Variants in LPP observed in about 807,000 individuals in gnomAD.
LPP encodes lipoma-preferred partner.
Under a neutral mutation model 60.4 loss-of-function variants are expected in LPP, and 38 were observed. The ratio of observed to expected loss-of-function variants is 0.63; its 90% CI spans 0.49 to 0.83. The LOEUF (loss-of-function observed/expected upper bound fraction) is 0.83, where lower values mean the gene tolerates loss of function less well. Ranked by LOEUF, LPP falls within the 40% of genes least tolerant of loss-of-function variation. LPP has a pLI of 0.00. For synonymous variants in LPP, 328 were observed against 290.8 expected (o/e 1.13, Z -1.30); for missense variants, 902 against 783.6 (o/e 1.15, Z -1.80).
intron 4 of LPP, among the ~76,000 whole-genome samples, chr3:188,412,754 A>G: frequency 6.6e-6 from 1 of 152,196 alleles, no homozygotes; most frequent in East Asian, 1.9e-4. Context: ...ATTGGTTCAC[A>G]TAGACTTGTC....
At chr3:188,368,962 A>T (rs946221665) in intron 3 of LPP, among the ~76,000 whole-genome samples, 1 of 152,204 alleles carries the variant, frequency 6.6e-6, no homozygotes, top group Non-Finnish European at 1.5e-5. Context: ...TTTCAGGCAG[A>T]CAGATTCACT....
At chr3:188,757,227 C>T (rs1339902275) in intron 8 of LPP, among the ~76,000 whole-genome samples, 1 of 79,218 alleles carries the variant, frequency 1.3e-5, no homozygotes. Context: ...GCACTGACAT[C>T]GTGACATCGT....
At chr3:188,250,779 T>TG (rs1491528092) in intron 2 of LPP, among the ~76,000 whole-genome samples, 1,273 of 113,534 alleles carry the variant, frequency 0.011, 27 homozygotes, top group African/African-American at 0.035. Flanking sequence ...TCTTTCTTTC[T>TG]TTCTTTCTGT....
intron 6 of LPP, among the ~76,000 whole-genome samples, chr3:188,582,206 G>T (rs1225977685): frequency 6.9e-6 from 1 of 144,796 alleles, no homozygotes; most frequent in Non-Finnish European, 1.5e-5. Context: ...TGTCACCCAG[G>T]CTGGAGTGCA....
chr3:188,740,695 T>C (rs905106172), intron 8 of LPP, among the ~76,000 whole-genome samples: 1 of 151,976 alleles, frequency 6.6e-6, no homozygotes, highest in Admixed American at 6.6e-5. Context: ...TAAACTTATT[T>C]GATGTGTGCT....
At chr3:188,461,830 G>T (rs1299748154) in intron 4 of LPP, among the ~76,000 whole-genome samples, 1 of 152,026 alleles carries the variant, frequency 6.6e-6, no homozygotes, top group Non-Finnish European at 1.5e-5. Flanking sequence ...AATTTAGGCT[G>T]TTTTCAGTTT....
chr3:188,649,111 A>G (rs1317932764), intron 7 of LPP, among the ~76,000 whole-genome samples: 1 of 152,240 alleles, frequency 6.6e-6, no homozygotes, highest in African/African-American at 2.4e-5. Context: ...CACAAAGGAT[A>G]TTCCATATTT....
rs1491383044 is a variant in LPP, at chr3:188,765,859, C to CTT, written c.1410+5578_1410+5579insTT. 1.9e-4 allele frequency among the ~76,000 whole-genome samples: 18 copies of CTT among 96,068 alleles called. 4 individuals carry two copies. Among genetic ancestry groups the CTT allele is most frequent in the Non-Finnish European group, 1.7e-4 (8 of 46,502 alleles). 63.0% of individuals were successfully genotyped at this position (96,068 alleles called of 152,430 possible). A position where few individuals can be genotyped will look rare whatever the true frequency, so the allele number is the denominator to read the frequency against. ...GTGCAACGTGCAACTTAATGTTCAA[C>CTT]TCTTTTTTTTTTTTTTTTTTTTTTT... On this transcript the variant is annotated intron_variant, in intron 9 of 11. Coordinates refer to ENST00000617246, the MANE Select transcript of LPP (RefSeq NM_001375462.1).
At chr3:188,377,783 T>G (rs772674723) in intron 3 of LPP, among the ~76,000 whole-genome samples, 10 of 152,232 alleles carry the variant, frequency 6.6e-5, no homozygotes, top group Non-Finnish European at 1.5e-4. Flanking sequence ...AGTGGCGCTC[T>G]GATTTTTAGA....
At chr3:188,382,513 G>T (rs1777173283) in intron 3 of LPP, among the ~76,000 whole-genome samples, 1 of 152,146 alleles carries the variant, frequency 6.6e-6, no homozygotes, top group Non-Finnish European at 1.5e-5. Context: ...TCTTTAAAAA[G>T]AGCCTTTTAA....
chr3:188,500,872 G>A (rs980150304), intron 5 of LPP, among the ~76,000 whole-genome samples: 14 of 152,104 alleles, frequency 9.2e-5, no homozygotes, highest in South Asian at 2.1e-4. Context: ...TTTTATTTCT[G>A]TAGAATTGTT....
chr3:188,500,481 G>A (rs924645708), intron 5 of LPP, among the ~76,000 whole-genome samples: 4 of 151,952 alleles, frequency 2.6e-5, no homozygotes, highest in Non-Finnish European at 5.9e-5. Flanking sequence ...TTTGACTTGG[G>A]ATATTTGATT....
At chr3:188,443,990 A>G (rs1034664025) in intron 4 of LPP, among the ~76,000 whole-genome samples, 2 of 152,326 alleles carry the variant, frequency 1.3e-5, no homozygotes, top group African/African-American at 2.4e-5. Context: ...CTTTTAGTGG[A>G]CATGCTTCAC....
chr3:188,651,893 T>C (rs1324518666), intron 7 of LPP, among the ~76,000 whole-genome samples: 1 of 152,146 alleles, frequency 6.6e-6, no homozygotes, highest in Non-Finnish European at 1.5e-5. Context: ...TATTATCCAT[T>C]ATCTTTTTGG....
chr3:188,297,041 A>AG (rs922620696), intron 2 of LPP, among the ~76,000 whole-genome samples: 8 of 152,210 alleles, frequency 5.3e-5, no homozygotes, highest in Admixed American at 5.2e-4. Context: ...TAGTTCCTTT[A>AG]GGGGAAAAAA....
chr3:188,289,870 G>A (rs1745339504), intron 2 of LPP, among the ~76,000 whole-genome samples: 1 of 152,108 alleles, frequency 6.6e-6, no homozygotes, highest in Non-Finnish European at 1.5e-5. Flanking sequence ...GTGAATAAAG[G>A]ATTATAAAAT....
At chr3:188,457,392 G>A (rs1431576144) in intron 4 of LPP, among the ~76,000 whole-genome samples, 1 of 152,090 alleles carries the variant, frequency 6.6e-6, no homozygotes, top group African/African-American at 2.4e-5. Context: ...GGGACATCTG[G>A]GTGCCAGTCT....
chr3:188,363,355 A>G (rs1770091673), intron 3 of LPP, among the ~76,000 whole-genome samples: 2 of 152,250 alleles, frequency 1.3e-5, no homozygotes, highest in African/African-American at 4.8e-5. Flanking sequence ...ACAAAATAAC[A>G]GTACAACTAG....
chr3:188,274,030 A>G (rs1738792810), intron 2 of LPP, among the ~76,000 whole-genome samples: 7 of 152,206 alleles, frequency 4.6e-5, no homozygotes, highest in Admixed American at 4.6e-4. Flanking sequence ...GCTTTATGAA[A>G]AGTAAACCCT....
Sources: allele counts gnomAD v4.1 joint callset (sites outside exome capture counted in the v4.1 genomes callset), GRCh38; gene constraint gnomAD v4.1.1; transcripts MANE v1.5; gene names NCBI Gene and HGNC (gene_info 2026-07-23, HGNC 2026-07-21).